EYS: variants seen among roughly 807,000 people sequenced by gnomAD.
EYS encodes protein eyes shut homolog.
A neutral mutation model predicts 282.1 loss-of-function variants in EYS; 250 were observed. The ratio of observed to expected loss-of-function variants is 0.89; its 90% CI spans 0.80 to 0.98. The LOEUF is 0.98. Among genes scored for constraint, EYS ranks in the 50% least tolerant of loss-of-function variants. The probability of loss-of-function intolerance (pLI) is 0.00; values close to 1 mark genes in which losing one functional copy is unlikely to be tolerated. For missense variants in EYS, 4,016 were observed against 3,709.0 expected (o/e 1.08, Z -2.15); for synonymous variants, 1,355 against 1,282.9 (o/e 1.06, Z -1.20).
At chr6:64,252,507 T>G (rs1767251068) in intron 30 of EYS, among the ~76,000 whole-genome samples, 1 of 152,110 alleles carries the variant, frequency 6.6e-6, no homozygotes, top group Admixed American at 6.6e-5. Flanking sequence ...AAATGTAACC[T>G]GTTCACACAA....
At chr6:64,846,799 C>T (rs1354908060) in intron 19 of EYS, among the ~76,000 whole-genome samples, 1 of 151,994 alleles carries the variant, frequency 6.6e-6, no homozygotes, top group Non-Finnish European at 1.5e-5. Context: ...TATCTATATG[C>T]AACTATTATG....
At chr6:64,230,888 A>G (rs1205488146) in intron 30 of EYS, 64 bp from the exon 31 acceptor site, 13 of 973,324 alleles carry the variant, frequency 1.3e-5, no homozygotes, top group Admixed American at 1.1e-4. Flanking sequence ...ATAAATAGAA[A>G]TAATAGAAAA....
At chr6:64,599,492 G>T (rs1027666555) in intron 24 of EYS, among the ~76,000 whole-genome samples, 1 of 152,098 alleles carries the variant, frequency 6.6e-6, no homozygotes, top group Admixed American at 6.6e-5. Context: ...AATTAAAGAA[G>T]ACAAGCAAAT....
chr6:65,475,339 A>G (rs1765360434), intron 5 of EYS, among the ~76,000 whole-genome samples: 1 of 152,130 alleles, frequency 6.6e-6, no homozygotes, highest in Non-Finnish European at 1.5e-5. Context: ...CATTTATTCA[A>G]TAATAGGTAC....
chr6:64,658,480 T>C (rs186740502), intron 22 of EYS, among the ~76,000 whole-genome samples: 12 of 152,322 alleles, frequency 7.9e-5, no homozygotes, highest in Admixed American at 2.6e-4. Context: ...CCCATCTTTG[T>C]GGATTTATCT....
At chr6:65,592,489 A>G (rs1765263960) in intron 2 of EYS, among the ~76,000 whole-genome samples, 3 of 152,004 alleles carry the variant, frequency 2.0e-5, no homozygotes, top group Admixed American at 2.0e-4. Context: ...ATACAGGATG[A>G]AGATAACAAC....
At chr6:65,357,219 T>C (rs889122212) in intron 8 of EYS, among the ~76,000 whole-genome samples, 1 of 152,010 alleles carries the variant, frequency 6.6e-6, no homozygotes, top group Non-Finnish European at 1.5e-5. Context: ...TTACAAAAGC[T>C]TTATTCAGTT....
intron 31 of EYS, among the ~76,000 whole-genome samples, chr6:64,174,091 C>T (rs1049037898): frequency 1.4e-4 from 22 of 151,984 alleles, no homozygotes; most frequent in Non-Finnish European, 2.6e-4. Context: ...TGCATGATTC[C>T]ACTTACATGG....
intron 19 of EYS, among the ~76,000 whole-genome samples, chr6:64,883,420 A>G (rs1766985207): frequency 6.6e-6 from 1 of 151,402 alleles, no homozygotes; most frequent in Non-Finnish European, 1.5e-5. Context: ...GCATTTTAAA[A>G]ATATTTATAC....
intron 30 of EYS, among the ~76,000 whole-genome samples, chr6:64,260,885 G>A (rs1314122476): frequency 1.3e-5 from 2 of 150,788 alleles, no homozygotes; most frequent in African/African-American, 2.4e-5. Flanking sequence ...TTAGTTTTTA[G>A]TTTTTAATTG....
At chr6:65,306,274 G>A in intron 11 of EYS, among the ~76,000 whole-genome samples, 1 of 152,148 alleles carries the variant, frequency 6.6e-6, no homozygotes, top group Non-Finnish European at 1.5e-5. Context: ...ACGTAGCCTT[G>A]TTGGGAATAT....
chr6:64,212,586 A>G (rs1289579039), intron 31 of EYS, among the ~76,000 whole-genome samples: 1 of 150,794 alleles, frequency 6.6e-6, no homozygotes, highest in Non-Finnish European at 1.5e-5. Flanking sequence ...TTTTTTTAAC[A>G]CCTTTATTAT....
At chr6:65,210,282 G>GTGA (rs1766141779) in intron 12 of EYS, among the ~76,000 whole-genome samples, 1 of 151,954 alleles carries the variant, frequency 6.6e-6, no homozygotes. Context: ...CTTGACTCTT[G>GTGA]TGAAACAGTG....
chr6:64,864,385 C>CTGGTGTTTTTTTTTTTTTTTTTTTTT (rs1766348749), intron 19 of EYS, among the ~76,000 whole-genome samples: 1 of 57,166 alleles, frequency 1.7e-5, no homozygotes, highest in African/African-American at 5.9e-5. Context: ...GCTATACCTT[C>CTGGTGTTTTTTTTTTTTTTTTTTTTT]TTTTTTTTTT....
At chr6:65,014,496 T>C (rs568434860) in intron 13 of EYS, among the ~76,000 whole-genome samples, 38 of 152,196 alleles carry the variant, frequency 2.5e-4, no homozygotes, top group African/African-American at 7.9e-4. Context: ...ATATTTGGAG[T>C]GAGCCCTAAG....
chr6:64,134,975 A>G (rs890457201), intron 31 of EYS, among the ~76,000 whole-genome samples: 1 of 152,138 alleles, frequency 6.6e-6, no homozygotes, highest in African/African-American at 2.4e-5. Context: ...GCAGAAAGTT[A>G]AATACATTTT....
chr6:63,737,971 A>G (rs1479363932), intron 41 of EYS, among the ~76,000 whole-genome samples: 1 of 152,236 alleles, frequency 6.6e-6, no homozygotes, highest in Non-Finnish European at 1.5e-5. Context: ...TGCAGCCAAA[A>G]AAACACATAA....
intron 33 of EYS, among the ~76,000 whole-genome samples, chr6:64,018,244 A>G (rs548205639): frequency 1.5e-3 from 229 of 152,334 alleles, no homozygotes; most frequent in African/African-American, 5.3e-3. Context: ...GTAAATTAAC[A>G]CAGTTTCCTT....
intron 33 of EYS, among the ~76,000 whole-genome samples, chr6:64,019,217 G>A (rs186891460): frequency 1.3e-5 from 2 of 152,280 alleles, no homozygotes; most frequent in Admixed American, 1.3e-4. Flanking sequence ...GTTGGCAGAC[G>A]CTGGAAGAGG....
Sources: allele counts gnomAD v4.1 joint callset (sites outside exome capture counted in the v4.1 genomes callset), GRCh38; gene constraint gnomAD v4.1.1; transcripts MANE v1.5; gene names NCBI Gene and HGNC (gene_info 2026-07-23, HGNC 2026-07-21).